CCDC32: variants seen among roughly 807,000 people sequenced by gnomAD.
CCDC32 encodes coiled-coil domain-containing protein 32.
CCDC32 carries 9 observed loss-of-function variants against 20.1 expected under a neutral mutation model. The observed-to-expected ratio is 0.45, with a 90% CI of 0.27 to 0.78. The LOEUF (loss-of-function observed/expected upper bound fraction) is 0.78, where lower values mean the gene tolerates loss of function less well. Among genes scored for constraint, CCDC32 ranks in the 30% least tolerant of loss-of-function variants. CCDC32 has a pLI of 0.16. For synonymous variants in CCDC32, 63 were observed against 79.0 expected, an observed-to-expected ratio of 0.80 and a Z score of 1.07; for missense variants, 204 against 215.5, an observed-to-expected ratio of 0.95 and a Z score of 0.33.
intron 3 of CCDC32, among the ~76,000 whole-genome samples, chr15:40,544,751 C>G (rs1213439966): frequency 6.6e-6 from 1 of 151,790 alleles, no homozygotes; most frequent in Non-Finnish European, 1.5e-5. Flanking sequence ...TTTCAACAGC[C>G]TTGGAAAACT....
At chr15:40,547,782 C>T (rs928487868) in intron 3 of CCDC32, among the ~76,000 whole-genome samples, 12 of 152,198 alleles carry the variant, frequency 7.9e-5, no homozygotes, top group Non-Finnish European at 1.5e-4. Flanking sequence ...CACCAGCAGC[C>T]GCCTTGATCA....
chr15:40,552,506 G>A (rs1470407276), downstream of CCDC32, among the ~76,000 whole-genome samples: 7 of 138,746 alleles, frequency 5.0e-5, no homozygotes, highest in Middle Eastern at 4.2e-3. Context: ...AAAAAAAGAG[G>A]AAAGTATATT....
At chr15:40,551,253 G>A (rs549278531), downstream of CCDC32, among the ~76,000 whole-genome samples, 1 of 151,974 alleles carries the variant, frequency 6.6e-6, no homozygotes, top group African/African-American at 2.4e-5. Flanking sequence ...GTGGTGGTGG[G>A]CGCCTGTAGT....
In CCDC32 at chr15:40,553,841, A is replaced by G; in HGVS notation, c.*130T>C. 7.2e-7 allele frequency: 1 copy of G among 1,398,386 alleles called. No individual in the cohort carries two copies. 86.6% of individuals were successfully genotyped at this position (1,398,386 alleles called of 1,614,324 possible). A position where few individuals can be genotyped will look rare whatever the true frequency, so the allele number is the denominator to read the frequency against. On this transcript the variant is annotated 3_prime_UTR_variant, in exon 4 of 4. Transcript: ENST00000416810. ...AAATTTGGGTTTTTTCCTTCAGTGG[A>G]TTTCTCCCTGCTGCTGTCACTGAGC...
downstream of CCDC32, among the ~76,000 whole-genome samples, chr15:40,549,592 CCAT>C (rs139483445): frequency 7.5e-3 from 1,141 of 152,326 alleles, 12 homozygotes; most frequent in African/African-American, 0.026. Context: ...ACTCCCCCCT[CCAT>C]CATTCTATGT....
intron 2 of CCDC32, 140 bp downstream of exon 2, chr15:40,562,632 C>G: frequency 2.1e-6 from 2 of 970,562 alleles, no homozygotes; most frequent in South Asian, 1.6e-5. Context: ...GGGGCTGCTT[C>G]CCAACAGCCG....
chr15:40,530,434 G>C (rs1463057939), downstream of CCDC32, among the ~76,000 whole-genome samples: 1 of 150,836 alleles, frequency 6.6e-6, no homozygotes, highest in African/African-American at 2.4e-5. Flanking sequence ...GTTCACGTGA[G>C]ATCTGGTTGT....
At chr15:40,530,990 A>G (rs889812006), downstream of CCDC32, among the ~76,000 whole-genome samples, 2 of 151,744 alleles carry the variant, frequency 1.3e-5, no homozygotes, top group African/African-American at 4.8e-5. Context: ...GTTTACAGGC[A>G]TGGGCCACCG....
chr15:40,557,437 A>T, intron 2 of CCDC32, 65 bp from the exon 3 acceptor site: 1 of 1,502,414 alleles, frequency 6.7e-7, no homozygotes, highest in Non-Finnish European at 8.9e-7. Context: ...CTAAATCTAA[A>T]ACTCAAAATA....
At chr15:40,556,966 C>G (rs1890282396) in intron 3 of CCDC32, 1 of 358,340 alleles carries the variant, frequency 2.8e-6, no homozygotes, top group Non-Finnish European at 4.9e-6. Context: ...ACATGGTTTC[C>G]AAACCTCATG....
downstream of CCDC32, among the ~76,000 whole-genome samples, chr15:40,525,901 T>C (rs1014123280): frequency 1.3e-5 from 2 of 152,018 alleles, no homozygotes; most frequent in Admixed American, 1.3e-4. Context: ...TCCTTAGGTA[T>C]AAATAAAATA....
chr15:40,553,980 T>G lies in CCDC32; in HGVS notation c.549A>C (p.Ala183=), dbSNP rs1595891123. The G allele has an allele frequency of 6.2e-7, 1 of 1,602,148 alleles. No homozygotes were observed. Among genetic ancestry groups the G allele is most frequent in the Middle Eastern group, 1.8e-4 (1 of 5,526 alleles). ...TGTGTGTGTGTGTAATTTACTGTTC[T>G]GCTGCTGCTGGCTTGTCCCCGGCTG... The part of the protein sequence containing the change: ...EPAAGDKPAA[A]EQ Residue 183 remains alanine (A), a synonymous_variant, in exon 4 of 4, where the codon GCA becomes GCC. Transcript: ENST00000416810.
the CCDC32 span, among the ~76,000 whole-genome samples, chr15:40,521,393 T>C: frequency 3.3e-5 from 5 of 152,200 alleles, no homozygotes; most frequent in African/African-American, 1.2e-4. Context: ...CTTCATTCCT[T>C]TGTAGTGCCA....
downstream of CCDC32, among the ~76,000 whole-genome samples, chr15:40,532,603 CT>C (rs1888921595): frequency 6.6e-6 from 1 of 151,116 alleles, no homozygotes; most frequent in South Asian, 2.1e-4. Context: ...TTGTAGTCTG[CT>C]TTTTTTCACT....
At chr15:40,538,381 T>C (rs1241201764), downstream of CCDC32, 1 of 152,378 alleles carries the variant, frequency 6.6e-6, no homozygotes, top group Middle Eastern at 3.4e-3. Context: ...ATGTTCTCCA[T>C]GGAGCTCACC....
intron 2 of CCDC32, among the ~76,000 whole-genome samples, chr15:40,560,589 G>A (rs1890554309): frequency 6.6e-6 from 1 of 152,128 alleles, no homozygotes; most frequent in Admixed American, 6.5e-5. Context: ...GATTTGAGAA[G>A]ATATACAAAT....
chr15:40,546,358 A>G (rs1231494527), intron 3 of CCDC32, among the ~76,000 whole-genome samples: 1 of 151,460 alleles, frequency 6.6e-6, no homozygotes, highest in East Asian at 2.0e-4. Flanking sequence ...TGCCTGGCTA[A>G]TTTCTGTATT....
At chr15:40,560,345 T>C (rs1055058792) in intron 2 of CCDC32, among the ~76,000 whole-genome samples, 1 of 152,004 alleles carries the variant, frequency 6.6e-6, no homozygotes, top group Non-Finnish European at 1.5e-5. Context: ...CAAAAGTAAA[T>C]GCAACAATAA....
chr15:40,524,460 A>G (rs1231320501), downstream of CCDC32, among the ~76,000 whole-genome samples: 1 of 151,974 alleles, frequency 6.6e-6, no homozygotes, highest in Non-Finnish European at 1.5e-5. Context: ...CCCAGCCACA[A>G]CATGCATAAT....
Sources: allele counts gnomAD v4.1 joint callset (sites outside exome capture counted in the v4.1 genomes callset), GRCh38; gene constraint gnomAD v4.1.1; transcripts MANE v1.5; gene names NCBI Gene and HGNC (gene_info 2026-07-23, HGNC 2026-07-21).